DPP6: variants seen among roughly 807,000 people sequenced by gnomAD.
DPP6 encodes dipeptidyl peptidase like 6.
Under a neutral mutation model 122.6 loss-of-function variants are expected in DPP6, and 69 were observed. The observed-to-expected ratio is 0.56, with a 90% CI of 0.46 to 0.69. The LOEUF is 0.69. Ranked by LOEUF, DPP6 falls within the 30% of genes least tolerant of loss-of-function variation. DPP6 has a pLI of 0.00. For missense variants in DPP6, 928 were observed against 1,116.9 expected (o/e 0.83, Z 2.41); for synonymous variants, 418 against 433.1 (o/e 0.97, Z 0.43).
intron 5 of DPP6, among the ~76,000 whole-genome samples, chr7:154,579,394 T>C (rs915729252): frequency 6.6e-6 from 1 of 152,204 alleles, no homozygotes; most frequent in Non-Finnish European, 1.5e-5. Flanking sequence ...GTTTTCTTAC[T>C]CTTGGAATGA....
intron 1 of DPP6, among the ~76,000 whole-genome samples, chr7:154,289,299 T>G (rs926914404): frequency 6.6e-6 from 1 of 152,164 alleles, no homozygotes; most frequent in Non-Finnish European, 1.5e-5. Flanking sequence ...TGGGATCCTT[T>G]GCAGGATGAG....
intron 12 of DPP6, chr7:154,796,170 C>G: frequency 2.4e-6 from 1 of 422,390 alleles, no homozygotes; most frequent in Non-Finnish European, 4.2e-6. Context: ...GATGCCAGCA[C>G]CTTGCTGAAT....
At chr7:153,868,007 G>T in the DPP6 span, among the ~76,000 whole-genome samples, 6 of 152,190 alleles carry the variant, frequency 3.9e-5, no homozygotes, top group Non-Finnish European at 7.3e-5. Flanking sequence ...AAGCCGACTT[G>T]ATCATGGTGG....
intron 16 of DPP6, among the ~76,000 whole-genome samples, chr7:154,837,980 C>A (rs909552970): frequency 6.6e-6 from 1 of 152,112 alleles, no homozygotes; most frequent in Non-Finnish European, 1.5e-5. Flanking sequence ...AGCGATCTTA[C>A]ATTTTTTTAA....
chr7:153,928,395 C>CTTTTTTTTTTTTTTTTTTTTTTTTTTTTT (rs1467865041), intron 1 of DPP6, among the ~76,000 whole-genome samples: 3 of 30,002 alleles, frequency 1.0e-4, no homozygotes, highest in Middle Eastern at 0.021. Flanking sequence ...TCTTTTCTTT[C>CTTTTTTTTTTTTTTTTTTTTTTTTTTTTT]ATTTTTTTTT....
At chr7:154,271,197 T>G (rs1803764857) in intron 1 of DPP6, among the ~76,000 whole-genome samples, 1 of 152,220 alleles carries the variant, frequency 6.6e-6, no homozygotes, top group Non-Finnish European at 1.5e-5. Flanking sequence ...CTATTGTCCA[T>G]TTATTTTGTC....
At chr7:154,045,872 G>A (rs1799996005) in intron 1 of DPP6, among the ~76,000 whole-genome samples, 1 of 152,218 alleles carries the variant, frequency 6.6e-6, no homozygotes, top group African/African-American at 2.4e-5. Context: ...TTAGAACGTA[G>A]CGCAATGAAT....
intron 5 of DPP6, among the ~76,000 whole-genome samples, chr7:154,579,945 A>C (rs1286236952): frequency 1.3e-5 from 2 of 152,192 alleles, no homozygotes; most frequent in Non-Finnish European, 2.9e-5. Context: ...AATCTTTAAA[A>C]GAGAGAGCAC....
intron 6 of DPP6, among the ~76,000 whole-genome samples, chr7:154,647,289 C>T (rs1836545721): frequency 6.6e-6 from 1 of 152,206 alleles, no homozygotes; most frequent in Non-Finnish European, 1.5e-5. Context: ...CGCCCCTTTA[C>T]TTGCTGCCCT....
At chr7:154,466,486 A>G (rs1394005430) in intron 2 of DPP6, among the ~76,000 whole-genome samples, 1 of 152,194 alleles carries the variant, frequency 6.6e-6, no homozygotes, top group East Asian at 1.9e-4. Flanking sequence ...TTCTTGCTGT[A>G]TCCTCTCCCT....
chr7:154,648,790 G>A (rs1335929387), intron 6 of DPP6, among the ~76,000 whole-genome samples: 1 of 151,908 alleles, frequency 6.6e-6, no homozygotes, highest in Non-Finnish European at 1.5e-5. Context: ...TGGTTTGGGT[G>A]CACCTATAGT....
At chr7:154,532,439 A>C (rs564345931) in intron 3 of DPP6, among the ~76,000 whole-genome samples, 1 of 152,152 alleles carries the variant, frequency 6.6e-6, no homozygotes, top group Non-Finnish European at 1.5e-5. Context: ...AGCTAGAAGA[A>C]AAGAAGTAAA....
At chr7:154,097,499 G>C (rs1386922707) in intron 1 of DPP6, among the ~76,000 whole-genome samples, 2 of 152,262 alleles carry the variant, frequency 1.3e-5, no homozygotes, top group Non-Finnish European at 2.9e-5. Flanking sequence ...ACGTAAAACA[G>C]ATGATCGAAT....
At chr7:154,297,928 C>G (rs1358489008) in intron 1 of DPP6, among the ~76,000 whole-genome samples, 1 of 152,154 alleles carries the variant, frequency 6.6e-6, no homozygotes, top group Non-Finnish European at 1.5e-5. Context: ...TTTTAGGTGT[C>G]AGCTTGGCTA....
chr7:154,207,786 G>A (rs1207786802), intron 1 of DPP6, among the ~76,000 whole-genome samples: 2 of 152,108 alleles, frequency 1.3e-5, no homozygotes, highest in East Asian at 3.9e-4. Flanking sequence ...GGAATTTGAA[G>A]AAGAAATAAT....
the DPP6 span, among the ~76,000 whole-genome samples, chr7:153,763,644 T>C: frequency 6.6e-6 from 1 of 152,164 alleles, no homozygotes; most frequent in Non-Finnish European, 1.5e-5. Flanking sequence ...AAAGTGTGAA[T>C]AGAAATCTTC....
chr7:154,890,893 TACA>T (rs1321782903), intron 25 of DPP6: 1 of 152,152 alleles, frequency 6.6e-6, no homozygotes, highest in Admixed American at 6.5e-5. Flanking sequence ...TCCAAAAACA[TACA>T]AAGAAGGCAG....
At chr7:153,913,596 A>G (rs1431324862) in intron 1 of DPP6, among the ~76,000 whole-genome samples, 1 of 151,334 alleles carries the variant, frequency 6.6e-6, no homozygotes. Context: ...CCCCTGATAA[A>G]TATTCAGTAT....
chr7:154,315,463 G>C (rs1028750599), intron 1 of DPP6, among the ~76,000 whole-genome samples: 2 of 152,046 alleles, frequency 1.3e-5, no homozygotes, highest in Non-Finnish European at 2.9e-5. Context: ...GAGTTCCTAA[G>C]GTTCACATTC....
Sources: gnomAD v4.1 joint callset for allele counts (sites outside exome capture counted in the v4.1 genomes callset) on GRCh38, gnomAD v4.1.1 for gene constraint, MANE v1.5 for transcripts, NCBI Gene and HGNC (gene_info 2026-07-23, HGNC 2026-07-21) for gene names.